CSNK2A1: variants seen among roughly 807,000 people sequenced by gnomAD.
CSNK2A1 encodes casein kinase 2 alpha 1, also known as casein kinase II subunit alpha.
In CSNK2A1, 10 loss-of-function variants were observed where a neutral mutation model predicts 62.9. The observed-to-expected ratio is 0.16, with a 90% CI of 0.10 to 0.27. The LOEUF (loss-of-function observed/expected upper bound fraction) is 0.27. Ranked by LOEUF, CSNK2A1 falls within the 10% of genes least tolerant of loss-of-function variation. The pLI is 1.00. For missense variants in CSNK2A1, 160 were observed against 492.0 expected (o/e 0.33, Z 6.38); for synonymous variants, 124 against 167.8 (o/e 0.74, Z 2.02).
intron 8 of CSNK2A1, 104 bp downstream of exon 8, chr20:495,615 C>T (rs933135526): frequency 1.5e-5 from 13 of 884,554 alleles, no homozygotes; most frequent in Admixed American, 4.0e-5. Context: ...TCTCAACTGC[C>T]GAATAGGTAC....
chr20:534,431 T>A lies in CSNK2A1; in HGVS notation c.-226-6382A>T, dbSNP rs191380480. Among the ~76,000 whole-genome samples the A allele has an allele frequency of 6.6e-5, 10 of 152,320 alleles. No individual in the cohort carries two copies. In the East Asian group the frequency reaches 1.9e-3, roughly 29 times the overall value. On this transcript the variant is annotated intron_variant, in intron 1 of 13. Coordinates refer to ENST00000217244, the MANE Select transcript of CSNK2A1 (RefSeq NM_177559.3). ...GGCTGGCCACCAGGCCACAATTGTA[T>A]AAAAATCAGATTTTAAATGATGGAA... is the stretch of plus-strand genomic sequence containing the variant.
chr20:519,247 T>C (rs1315831179), intron 2 of CSNK2A1, among the ~76,000 whole-genome samples: 2 of 152,222 alleles, frequency 1.3e-5, no homozygotes, highest in Admixed American at 1.3e-4. Flanking sequence ...CAGTTTGATA[T>C]ACTTTTAATT....
intron 10 of CSNK2A1, chr20:489,376 C>T: frequency 4.3e-6 from 1 of 230,846 alleles, no homozygotes; most frequent in Non-Finnish European, 8.3e-6. Flanking sequence ...AATGAAAGAG[C>T]CCTTTGATCT....
chr20:489,616 G>A lies in CSNK2A1; in HGVS notation c.723+164C>T, dbSNP rs778451381. ...AAGCAATGCAAATGACAAAGACTAG[G>A]GGGGAATGTCTGATTTCAAAAGGCT... On this transcript the variant is annotated intron_variant, in intron 10 of 13. Transcript: ENST00000217244. 4.0e-4 allele frequency: 189 copies of A among 473,650 alleles called. 1 individual carries two copies. Among genetic ancestry groups the A allele is most frequent in the Non-Finnish European group, 6.6e-4 (177 of 268,946 alleles). The allele number at this position is 473,650 out of a possible 1,614,324, so 29.3% of individuals were successfully genotyped here.
At chr20:525,411 G>A (rs906058936) in intron 2 of CSNK2A1, among the ~76,000 whole-genome samples, 2 of 152,028 alleles carry the variant, frequency 1.3e-5, no homozygotes, top group Non-Finnish European at 2.9e-5. Flanking sequence ...CCAGCACTGT[G>A]GGAGGCTGAG....
chr20:498,847 T>G (rs556722736), intron 6 of CSNK2A1: 1 of 152,638 alleles, frequency 6.6e-6, no homozygotes, highest in South Asian at 2.1e-4. Flanking sequence ...TTAAGATCTA[T>G]AGCCCACAGT....
rs1030340037 is a variant in CSNK2A1 at position 481,687 on chromosome 20, T to G, written c.*2274A>C. On this transcript the variant is annotated 3_prime_UTR_variant, in exon 14 of 14. Coordinates refer to ENST00000217244, the MANE Select transcript of CSNK2A1 (RefSeq NM_177559.3). The stretch of plus-strand genomic sequence containing the variant: ...GTCCAGCTGTCTGCAGCTCTCCGCA[T>G]CAGCCTAAGCTACACCTCAATTTCC... 2 of 152,166 alleles carry G rather than the reference T, an allele frequency of 1.3e-5. No homozygotes were observed. Among genetic ancestry groups the G allele is most frequent in the Non-Finnish European group, 2.9e-5 (2 of 68,038 alleles). 9.4% of individuals were successfully genotyped at this position (152,166 alleles called of 1,614,324 possible).
chr20:497,098 C>G (rs1028410639), intron 7 of CSNK2A1, among the ~76,000 whole-genome samples: 2 of 152,176 alleles, frequency 1.3e-5, no homozygotes, highest in African/African-American at 4.8e-5. Flanking sequence ...TATACTCCCA[C>G]TAGACCCCAT....
chr20:523,455 C>G (rs1397220021), intron 2 of CSNK2A1, among the ~76,000 whole-genome samples: 1 of 152,182 alleles, frequency 6.6e-6, no homozygotes, highest in Non-Finnish European at 1.5e-5. Flanking sequence ...AAATGGAATA[C>G]TACTCAGTAA....
intron 2 of CSNK2A1, among the ~76,000 whole-genome samples, chr20:525,668 G>GA (rs1167989255): frequency 8.0e-5 from 10 of 125,566 alleles, no homozygotes; most frequent in Non-Finnish European, 1.3e-4. Flanking sequence ...AAAAAAAAAA[G>GA]AAAAAAAAAA....
chr20:516,198 G>A (rs2018825301), intron 2 of CSNK2A1, among the ~76,000 whole-genome samples: 1 of 152,150 alleles, frequency 6.6e-6, no homozygotes, highest in African/African-American at 2.4e-5. Flanking sequence ...ATTTTAAATT[G>A]TCTTACTTAG....
chr20:488,044 T>G, intron 11 of CSNK2A1: 1 of 163,896 alleles, frequency 6.1e-6, no homozygotes, highest in Admixed American at 6.1e-5. Flanking sequence ...TATAGCCTTT[T>G]TTTTTTTTTT....
chr20:524,553 A>AAAC (rs994195766), intron 2 of CSNK2A1, among the ~76,000 whole-genome samples: 2 of 151,462 alleles, frequency 1.3e-5, no homozygotes, highest in Non-Finnish European at 2.9e-5. Flanking sequence ...CTCTACTTAA[A>AAAC]AACAACAACA....
In CSNK2A1 at chr20:481,185, T is replaced by TA. The variant is rs1305974270; in HGVS notation, c.*2775dup. 1 of 152,220 alleles carries TA rather than the reference T, an allele frequency of 6.6e-6. No individual in the cohort carries two copies. The highest frequency in any genetic ancestry group is 2.4e-5 in the African/African-American group (1 of 41,450). 9.4% of individuals were successfully genotyped at this position (152,220 alleles called of 1,614,324 possible). ...ACTTCTTCCCAGCACAGTTATGGTTTAGTCATACCAATTACAATACAATTA... is the reference window on the plus strand; with the variant it reads ...ACTTCTTCCCAGCACAGTTATGGTTTAAGTCATACCAATTACAATACAATTA... On this transcript the variant is annotated 3_prime_UTR_variant, in exon 14 of 14. Coordinates refer to ENST00000217244, the MANE Select transcript of CSNK2A1 (RefSeq NM_177559.3).
intron 1 of CSNK2A1, among the ~76,000 whole-genome samples, chr20:541,406 C>T (rs1055171939): frequency 2.6e-5 from 4 of 152,158 alleles, no homozygotes; most frequent in Non-Finnish European, 4.4e-5. Context: ...AGGGTTTAAA[C>T]TCACTTCCTA....
chr20:496,033 T>C (rs1401754663), intron 7 of CSNK2A1: 2 of 476,594 alleles, frequency 4.2e-6, no homozygotes, highest in African/African-American at 2.0e-5. Flanking sequence ...TTCAACATGT[T>C]TTCTGTCCTA....
At chr20:487,747 T>C (rs994262147) in intron 11 of CSNK2A1, 172 bp from the exon 12 acceptor site, 2 of 772,540 alleles carry the variant, frequency 2.6e-6, no homozygotes, top group South Asian at 3.7e-5. Context: ...CAAAGCTAAC[T>C]GGAGACTGGA....
chr20:485,482 C>T (rs2018078528), intron 13 of CSNK2A1, among the ~76,000 whole-genome samples: 1 of 152,074 alleles, frequency 6.6e-6, no homozygotes, highest in Non-Finnish European at 1.5e-5. Flanking sequence ...TGCACCTGGC[C>T]CTGCATCTTG....
chr20:503,976 G>C (rs753857818), intron 4 of CSNK2A1, among the ~76,000 whole-genome samples: 1 of 152,184 alleles, frequency 6.6e-6, no homozygotes, highest in African/African-American at 2.4e-5. Flanking sequence ...TCAGGAGTTT[G>C]AGACCAGCCT....
Sources: gnomAD v4.1 joint callset for allele counts (sites outside exome capture counted in the v4.1 genomes callset) on GRCh38, gnomAD v4.1.1 for gene constraint, MANE v1.5 for transcripts, NCBI Gene and HGNC (gene_info 2026-07-23, HGNC 2026-07-21) for gene names.